Variants in PIEZO2 observed in about 807,000 individuals in gnomAD.
PIEZO2 encodes piezo type mechanosensitive ion channel component 2, also known as piezo-type mechanosensitive ion channel component 2.
In PIEZO2, 172 loss-of-function variants were observed where a neutral mutation model predicts 337.3. The ratio of observed to expected loss-of-function variants is 0.51; its 90% CI spans 0.45 to 0.58. The LOEUF (loss-of-function observed/expected upper bound fraction) is 0.58, where lower values mean the gene tolerates loss of function less well. Ranked by LOEUF, PIEZO2 falls within the 20% of genes least tolerant of loss-of-function variation. The pLI is 0.00. For synonymous variants in PIEZO2, 1,251 were observed against 1,228.5 expected (o/e 1.02, Z -0.38); for missense variants, 3,028 against 3,391.3 (o/e 0.89, Z 2.66).
rs946357166 is a variant in PIEZO2, at chr18:10,850,771, GA to G, written c.917+4581del. ...TACCTATAGACATAAGAAAGATTCT[GA>G]AAAAAATTTGGCTAAAAAGCAATAG... On this transcript the variant is annotated intron_variant, in intron 7 of 55. Transcript: ENST00000674853. This position sits in a 1 kb window ranked among gnomAD's most constrained non-coding sequence, Gnocchi z 4.5. Among the ~76,000 whole-genome samples, 19 of 152,200 alleles carry G rather than the reference GA, an allele frequency of 1.2e-4. No individual in the cohort carries two copies. In the East Asian group the frequency reaches 3.5e-3, roughly 28 times the overall value.
chr18:10,767,022 C>T lies in PIEZO2; in HGVS notation c.2946+3126G>A, dbSNP rs868238676. Among the ~76,000 whole-genome samples the T allele has an allele frequency of 1.7e-4, 26 of 149,356 alleles. No individual in the cohort carries two copies. Among genetic ancestry groups the T allele is most frequent in the African/African-American group, 6.1e-4 (25 of 40,760 alleles). ...CCCCTCCCCTCCCCTTCCCTCCCCT[C>T]CCCTTCCCTTCCTTCTCCAATTGGC... On this transcript the variant is annotated intron_variant, in intron 21 of 55. Coordinates refer to ENST00000674853, the MANE Select transcript of PIEZO2 (RefSeq NM_001378183.1). The surrounding 1 kb of genome is among the most constrained non-coding windows in gnomAD (Gnocchi z 4.2).
At position 11,133,094 on chromosome 18, in the gene PIEZO2, G is replaced by A. The variant is rs567230264; in HGVS notation, c.64+15431C>T. Among the ~76,000 whole-genome samples, 199 of 152,266 alleles carry A rather than the reference G, an allele frequency of 1.3e-3. 1 individual carries two copies. In the Middle Eastern group the frequency reaches 0.014, roughly 10 times the overall value. On this transcript the variant is annotated intron_variant, in intron 1 of 55. Transcript: ENST00000674853. ...ACCACGTGACCAGCTGCAGAAATAAGGACTGTAACTGTTATGCGTTATTTC... is the reference window on the plus strand; with the variant it reads ...ACCACGTGACCAGCTGCAGAAATAAAGACTGTAACTGTTATGCGTTATTTC...
At chr18:10,702,832 C>G (rs1032521038) in intron 42 of PIEZO2, among the ~76,000 whole-genome samples, 2 of 152,050 alleles carry the variant, frequency 1.3e-5, no homozygotes, top group African/African-American at 4.8e-5. Context: ...AAAGGGAGAG[C>G]CTCAACTTAA....
At chr18:10,948,377 T>A (rs1390548256) in intron 3 of PIEZO2, among the ~76,000 whole-genome samples, 1 of 152,178 alleles carries the variant, frequency 6.6e-6, no homozygotes, top group Non-Finnish European at 1.5e-5. Flanking sequence ...CTAAAGGGTA[T>A]GTGTTACAAA....
chr18:11,050,621 A>C (rs1206889182), intron 2 of PIEZO2, among the ~76,000 whole-genome samples: 1 of 152,086 alleles, frequency 6.6e-6, no homozygotes, highest in Non-Finnish European at 1.5e-5. Flanking sequence ...AGCAGAGTAG[A>C]ATAAAATATG....
chr18:11,056,744 T>C (rs908323915), intron 2 of PIEZO2, among the ~76,000 whole-genome samples: 1 of 152,132 alleles, frequency 6.6e-6, no homozygotes. Context: ...AATGGCTCTA[T>C]GTACAACCAG....
intron 2 of PIEZO2, among the ~76,000 whole-genome samples, chr18:11,049,760 G>C (rs555316392): frequency 6.0e-4 from 92 of 152,238 alleles, no homozygotes; most frequent in African/African-American, 2.1e-3. Flanking sequence ...CACCATGTAA[G>C]ACATGCCTTT....
At chr18:10,797,110 T>A (rs903909268) in intron 12 of PIEZO2, among the ~76,000 whole-genome samples, 2 of 151,912 alleles carry the variant, frequency 1.3e-5, no homozygotes, top group African/African-American at 2.4e-5. Context: ...ATATGTACCA[T>A]CATATTATAC....
intron 5 of PIEZO2, among the ~76,000 whole-genome samples, chr18:10,858,321 C>CAAAAAAAAAAAAAAAAA (rs11361243): frequency 1.8e-5 from 1 of 56,350 alleles, no homozygotes; most frequent in Non-Finnish European, 3.3e-5. Flanking sequence ...GACTTCAACC[C>CAAAAAAAAAAAAAAAAA]AAAAAAAAAA....
chr18:11,030,726 C>T (rs1292995737), intron 2 of PIEZO2, among the ~76,000 whole-genome samples: 4 of 152,046 alleles, frequency 2.6e-5, no homozygotes, highest in South Asian at 2.1e-4. Flanking sequence ...CCTGGCAAGA[C>T]GTAGTCCAGG....
rs1378180279 is a variant in PIEZO2 at position 10,837,330 on chromosome 18, G to A, written c.917+18023C>T. ...AGGGAAGAAAAGAAGTCCCCTGTGA[G>A]GGGAACACAGCATCTTCTGAGAATA... is the stretch of plus-strand genomic sequence containing the variant. On this transcript the variant is annotated intron_variant, in intron 7 of 55. Transcript: ENST00000674853. This position sits in a 1 kb window ranked among gnomAD's most constrained non-coding sequence, Gnocchi z 4.4. Among the ~76,000 whole-genome samples the A allele has an allele frequency of 2.0e-5, 3 of 152,212 alleles. No individual in the cohort carries two copies. The highest frequency in any genetic ancestry group is 7.2e-5 in the African/African-American group (3 of 41,450).
Position 10,759,483 on chromosome 18 carries a change from G to A in PIEZO2, c.3756C>T (p.Val1252=), listed in dbSNP as rs1255527960. The change falls in exon 26 of 56, where the codon GTC becomes GTT. Residue 1252 remains valine (V), a splice_region_variant and synonymous_variant. Coordinates refer to ENST00000674853, the MANE Select transcript of PIEZO2 (RefSeq NM_001378183.1). This position sits in a 1 kb window ranked among gnomAD's most constrained non-coding sequence, Gnocchi z 5.5. Reference sequence around the variant, plus strand: ...TGGCCCTGCAGTGGAAACACTTACAGACGAGAAACACAGGGTTGGGCCGCA... The same window carrying A: ...TGGCCCTGCAGTGGAAACACTTACAAACGAGAAACACAGGGTTGGGCCGCA... ...FIVRPNPVFL[V]YDFMLLLCAS... 1.2e-5 allele frequency: 18 copies of A among 1,535,948 alleles called. No homozygotes were observed. The highest frequency in any genetic ancestry group is 5.2e-6 in the Non-Finnish European group (6 of 1,146,194).
chr18:11,090,677 A>T (rs1053180602), intron 1 of PIEZO2, among the ~76,000 whole-genome samples: 1 of 152,168 alleles, frequency 6.6e-6, no homozygotes, highest in African/African-American at 2.4e-5. Context: ...ACTTCCTTTA[A>T]GAGAAGGGCG....
In PIEZO2 at chr18:10,943,819, C is replaced by T. The variant is rs916193787; in HGVS notation, c.287-32591G>A. Reference sequence around the variant, plus strand: ...ATATGTGAGAGTTGCAGAAGGGACCCGGTGGGAGATGACTGAATCATGGGA... The same window carrying T: ...ATATGTGAGAGTTGCAGAAGGGACCTGGTGGGAGATGACTGAATCATGGGA... On this transcript the variant is annotated intron_variant, in intron 3 of 55. Transcript: ENST00000674853. This position sits in a 1 kb window ranked among gnomAD's most constrained non-coding sequence, Gnocchi z 4.5. Among the ~76,000 whole-genome samples, 9 of 152,074 alleles carry T rather than the reference C, an allele frequency of 5.9e-5. No homozygotes were observed. The highest frequency in any genetic ancestry group is 1.4e-4 in the African/African-American group (6 of 41,400).
Position 10,731,431 on chromosome 18 carries a change from G to T in PIEZO2, c.5005C>A (p.Arg1669=). ...KKRSAREERK[R]RRKGSKEGPV... The stretch of plus-strand genomic sequence containing the variant: ...CCCTCCTTGGATCCTTTCCGCCTTC[G>T]TTTCCGTTCTTCTCTTGCAGACCTT... The change falls in exon 36 of 56, where the codon CGA becomes AGA. Residue 1669 remains arginine (R), a synonymous_variant. Transcript: ENST00000674853. The T allele has an allele frequency of 6.5e-7, 1 of 1,534,394 alleles. No homozygotes were observed. The highest frequency in any genetic ancestry group is 1.2e-5 in the South Asian group (1 of 83,758).
At position 10,761,123 on chromosome 18, in the gene PIEZO2, G is replaced by T; in HGVS notation, c.3250-12C>A. 1 of 1,534,682 alleles carries T rather than the reference G, an allele frequency of 6.5e-7. No homozygotes were observed. The highest frequency in any genetic ancestry group is 8.7e-7 in the Non-Finnish European group (1 of 1,144,704). Reference sequence around the variant, plus strand: ...ATCAGGAGGTTATTCTACAAAGCAAGGAAACACAAATGTGTCAGCCAGAGG... The same window carrying T: ...ATCAGGAGGTTATTCTACAAAGCAATGAAACACAAATGTGTCAGCCAGAGG... On this transcript the variant is annotated splice_polypyrimidine_tract_variant and intron_variant, in intron 23 of 55. Transcript: ENST00000674853.
chr18:10,727,294 C>T lies in PIEZO2; in HGVS notation c.5029+4113G>A, dbSNP rs994335711. ...CTTGCATAAGATGGCTTTGGTTGTCCCGGTACTCCAGTCTCTCCCTTCCCT... is the reference window on the plus strand; with the variant it reads ...CTTGCATAAGATGGCTTTGGTTGTCTCGGTACTCCAGTCTCTCCCTTCCCT... On this transcript the variant is annotated intron_variant, in intron 36 of 55. Coordinates refer to ENST00000674853, the MANE Select transcript of PIEZO2 (RefSeq NM_001378183.1). This position sits in a 1 kb window ranked among gnomAD's most constrained non-coding sequence, Gnocchi z 6.3. 1.8e-5 allele frequency: 3 copies of T among 166,586 alleles called. No individual in the cohort carries two copies. The highest frequency in any genetic ancestry group is 2.0e-4 in the South Asian group (1 of 5,088). 10.3% of individuals were successfully genotyped at this position (166,586 alleles called of 1,614,324 possible).
intron 36 of PIEZO2, among the ~76,000 whole-genome samples, chr18:10,718,962 G>T (rs2036128838): frequency 6.6e-6 from 1 of 151,510 alleles, no homozygotes; most frequent in Non-Finnish European, 1.5e-5. Context: ...CTGGGCAAAA[G>T]AGTGAGACCT....
chr18:11,142,625 C>CA (rs1236849086), intron 1 of PIEZO2, among the ~76,000 whole-genome samples: 1 of 151,728 alleles, frequency 6.6e-6, no homozygotes, highest in Non-Finnish European at 1.5e-5. Context: ...ACTAAAAATA[C>CA]AAAAAATTAG....
Sources: allele counts gnomAD v4.1 joint callset (sites outside exome capture counted in the v4.1 genomes callset), GRCh38; gene constraint gnomAD v4.1.1; non-coding constraint Gnocchi (gnomAD v3.1); transcripts MANE v1.5; gene names NCBI Gene and HGNC (gene_info 2026-07-23, HGNC 2026-07-21).